TRANK1: variants seen among roughly 807,000 people sequenced by gnomAD.
TRANK1 encodes TPR and ankyrin repeat-containing protein 1.
TRANK1 carries 198 observed loss-of-function variants against 266.0 expected under a neutral mutation model. The observed-to-expected ratio is 0.74, with a 90% CI of 0.66 to 0.84. TRANK1 has a LOEUF of 0.84. Ranked by LOEUF, TRANK1 falls within the 40% of genes least tolerant of loss-of-function variation. The pLI is 0.00. For synonymous variants in TRANK1, 1,396 were observed against 1,384.1 expected (o/e 1.01, Z -0.19); for missense variants, 3,326 against 3,634.6 (o/e 0.92, Z 2.18).
intron 20 of TRANK1, among the ~76,000 whole-genome samples, chr3:36,836,848 A>G (rs2125512965): frequency 6.6e-6 from 1 of 152,326 alleles, no homozygotes; most frequent in East Asian, 1.9e-4. Flanking sequence ...GCTAGACTCT[A>G]ACTGGCCTTT....
At chr3:36,854,060 T>G (rs1395336488) in intron 13 of TRANK1, among the ~76,000 whole-genome samples, 4 of 152,194 alleles carry the variant, frequency 2.6e-5, no homozygotes, top group Admixed American at 6.5e-5. Flanking sequence ...ATTATCAACA[T>G]GCAAAATTCT....
chr3:36,831,664 T>A lies in TRANK1; in HGVS notation c.7919A>T (p.Glu2640Val), dbSNP rs2078696059. Residue 2640 changes from glutamate to valine, a missense_variant, in exon 22 of 24, where the codon GAA becomes GTA. Physicochemically the swap from Glu to Val is moderately radical, Grantham distance 121 (BLOSUM62 -2). Transcript: ENST00000645898. The surrounding 1 kb of genome is among the most constrained non-coding windows in gnomAD (Gnocchi z 5.0). ...ALQDLLFERDEEYLMDCDWRW... is the reference protein window; with the variant it reads ...ALQDLLFERDVEYLMDCDWRW... ...CCAGTCACAGTCCATTAGGTACTCT[T>A]CATCCCGCTCAAAGAGCAGGTCCTG... is the stretch of plus-strand genomic sequence containing the variant. 6.2e-7 allele frequency: 1 copy of A among 1,613,832 alleles called. No homozygotes were observed. The highest frequency in any genetic ancestry group is 1.3e-5 in the African/African-American group (1 of 74,900).
At position 36,892,113 on chromosome 3, in the gene TRANK1, C is replaced by T. The variant is rs942991992; in HGVS notation, c.775+89G>A. The T allele has an allele frequency of 1.9e-5, 27 of 1,422,332 alleles. No individual in the cohort carries two copies. In the South Asian group the frequency reaches 3.5e-4, roughly 18 times the overall value. 88.1% of individuals were successfully genotyped at this position (1,422,332 alleles called of 1,614,324 possible). On this transcript the variant is annotated intron_variant, in intron 7 of 23. Transcript: ENST00000645898. ...ATTCAAATGGTCTGCATTCAAGTGG[C>T]TTAATTCTAGTTTCACTTGAGCTCA...
chr3:36,943,480 AC>A (rs1204257291), intron 1 of TRANK1, among the ~76,000 whole-genome samples: 2 of 34,982 alleles, frequency 5.7e-5, no homozygotes, highest in Non-Finnish European at 1.2e-4. Context: ...ACCTCTACCC[AC>A]CCCCCCACCC....
intron 8 of TRANK1, among the ~76,000 whole-genome samples, chr3:36,876,982 T>C (rs1008938881): frequency 2.0e-5 from 3 of 152,174 alleles, no homozygotes; most frequent in African/African-American, 2.4e-5. Flanking sequence ...AATGAGACCA[T>C]TGTAACAACA....
At chr3:36,879,174 A>G (rs1158833984) in intron 8 of TRANK1, among the ~76,000 whole-genome samples, 2 of 151,986 alleles carry the variant, frequency 1.3e-5, no homozygotes, top group African/African-American at 4.8e-5. Flanking sequence ...AAGAAAGAAA[A>G]CTATTTACAT....
rs373427435 is a variant in TRANK1, at chr3:36,856,656, T to C, written c.3066A>G (p.Thr1022=). ...EYFPPASAVE[T]EYNIMKFHSF... ...TGTGGAACTTCATGATGTTATATTC[T>C]GTCTCCACTGCACTGGCTGGGGGAA... The change falls in exon 13 of 24, where the codon ACA becomes ACG. Residue 1022 remains threonine (T), a synonymous_variant. Transcript: ENST00000645898. 3.8e-5 allele frequency: 61 copies of C among 1,613,964 alleles called. 1 individual carries two copies. The highest frequency in any genetic ancestry group is 3.3e-4 in the South Asian group (30 of 91,094).
chr3:36,832,749 A>G lies in TRANK1; in HGVS notation c.6834T>C (p.His2278=). The change falls in exon 22 of 24, where the codon CAT becomes CAC. Residue 2278 remains histidine (H), a synonymous_variant. Coordinates refer to ENST00000645898, the MANE Select transcript of TRANK1 (RefSeq NM_001329998.2). Reference sequence around the variant, plus strand: ...TGGGGTTTTCTGACAACACTCTCTGATGGAAATGCTTAGGGAAAAGGACAT... The same window carrying G: ...TGGGGTTTTCTGACAACACTCTCTGGTGGAAATGCTTAGGGAAAAGGACAT... ...ILDVLFPKHF[H]QRVLSENPMA... 1 of 1,614,044 alleles carries G rather than the reference A, an allele frequency of 6.2e-7. No individual in the cohort carries two copies. The highest frequency in any genetic ancestry group is 8.5e-7 in the Non-Finnish European group (1 of 1,179,906).
Position 36,855,556 on chromosome 3 carries a change from C to A in TRANK1, c.4166G>T (p.Ser1389Ile). 6.2e-7 allele frequency: 1 copy of A among 1,613,758 alleles called. No individual in the cohort carries two copies. Among genetic ancestry groups the A allele is most frequent in the Non-Finnish European group, 8.5e-7 (1 of 1,179,826 alleles). Residue 1389 changes from serine (S) to isoleucine (I), a missense_variant, in exon 13 of 24, where the codon AGT becomes ATT. By Grantham distance (142) the Ser-to-Ile change is moderately radical. Transcript: ENST00000645898. Reference protein sequence around the residue: ...KRCPNFKEDRSEIYSLFSLYQ... With the variant: ...KRCPNFKEDRIEIYSLFSLYQ... ...CAGACTGAAGAGGCTGTAGATCTCA[C>A]TCCGGTCTTCCTTGAAATTGGGGCA...
chr3:36,925,208 A>T (rs1575324328), intron 1 of TRANK1, among the ~76,000 whole-genome samples: 2 of 152,152 alleles, frequency 1.3e-5, no homozygotes, highest in South Asian at 4.1e-4. Flanking sequence ...GGTTTCCAAC[A>T]TCCTAACCTC....
intron 9 of TRANK1, among the ~76,000 whole-genome samples, chr3:36,873,773 T>C (rs2125574165): frequency 6.6e-6 from 1 of 152,070 alleles, no homozygotes; most frequent in South Asian, 2.1e-4. Context: ...TTGTTGGCCA[T>C]AATTGTTTCT....
In TRANK1 at chr3:36,847,333, C is replaced by T. The variant is rs911726530; in HGVS notation, c.4901G>A (p.Trp1634Ter). 1 of 1,613,404 alleles carries T rather than the reference C, an allele frequency of 6.2e-7. No homozygotes were observed. Among genetic ancestry groups the T allele is most frequent in the Non-Finnish European group, 8.5e-7 (1 of 1,179,696 alleles). The stretch of plus-strand genomic sequence containing the variant: ...AGGTGTGAATGAGGAAATGATCTTC[C>T]ATTCCTTATAAGCCTGAACAACAAC... The part of the protein sequence containing the change: ...FFTDSEAYKE[W>*]KIISSFTPTS... Residue 1634 changes from tryptophan to a stop codon, truncating the protein, a stop_gained, in exon 16 of 24, where the codon TGG becomes TAG. Coordinates refer to ENST00000645898, the MANE Select transcript of TRANK1 (RefSeq NM_001329998.2). LOFTEE classifies it high-confidence loss of function.
chr3:36,855,184 C>T lies in TRANK1; in HGVS notation c.4538G>A (p.Arg1513Lys), dbSNP rs757727047. 13 of 1,610,734 alleles carry T rather than the reference C, an allele frequency of 8.1e-6. No homozygotes were observed. The highest frequency in any genetic ancestry group is 1.3e-5 in the African/African-American group (1 of 74,898). Residue 1513 changes from arginine (R) to lysine (K), a missense_variant, in exon 13 of 24, where the codon AGG (arginine) becomes AAG (lysine). Physicochemically the swap from Arg to Lys is conservative, Grantham distance 26. Transcript: ENST00000645898. ...AGAGCTGGACTTACCTGAGTGGGAC[C>T]TGTAATTCTGGTACAGCTGGTGGAT... is the stretch of plus-strand genomic sequence containing the variant. ...KKIHQLYQNY[R>K]SHSGILNLAS...
chr3:36,904,303 G>A (rs73068054), intron 2 of TRANK1, among the ~76,000 whole-genome samples: 47,484 of 151,550 alleles, frequency 0.31, 8,379 homozygotes, highest in Non-Finnish European at 0.41. Flanking sequence ...GGCCGAGGCC[G>A]AGGCGAGGAG....
At chr3:36,939,223 G>T (rs1339802853) in intron 1 of TRANK1, among the ~76,000 whole-genome samples, 1 of 149,486 alleles carries the variant, frequency 6.7e-6, no homozygotes, top group Non-Finnish European at 1.5e-5. Flanking sequence ...CCCTCATGTA[G>T]AATAAAGCCT....
At chr3:36,900,615 C>G (rs887222377) in intron 3 of TRANK1, among the ~76,000 whole-genome samples, 21 of 151,856 alleles carry the variant, frequency 1.4e-4, no homozygotes, top group African/African-American at 4.6e-4. Context: ...GTGACTCTAG[C>G]CTGTAATTCC....
chr3:36,832,434 T>G lies in TRANK1; in HGVS notation c.7149A>C (p.Ile2383=). 1 of 1,614,014 alleles carries G rather than the reference T, an allele frequency of 6.2e-7. No homozygotes were observed. The highest frequency in any genetic ancestry group is 1.3e-5 in the African/African-American group (1 of 75,036). ...GTGCCAGCATGCCAAATTTCCCTTC[T>G]ATTCCTTTTATCCTGCTGCCTCTCC... ...GRGRGSRIKG[I]EGKFGMLAPN... is the part of the protein sequence containing the mutation. The change falls in exon 22 of 24, where the codon ATA becomes ATC. Residue 2383 remains isoleucine (I), a synonymous_variant. Coordinates refer to ENST00000645898, the MANE Select transcript of TRANK1 (RefSeq NM_001329998.2).
At chr3:36,876,060 G>A (rs894886198) in intron 8 of TRANK1, among the ~76,000 whole-genome samples, 2 of 152,142 alleles carry the variant, frequency 1.3e-5, no homozygotes, top group African/African-American at 4.8e-5. Flanking sequence ...TTCTTTAAGG[G>A]GGGATAAGGA....
At chr3:36,867,939 G>A (rs1055050464) in intron 9 of TRANK1, among the ~76,000 whole-genome samples, 2 of 152,200 alleles carry the variant, frequency 1.3e-5, no homozygotes, top group African/African-American at 4.8e-5. Context: ...TAAGTACTCA[G>A]GTTTCCTCCC....
Sources: allele counts gnomAD v4.1 joint callset (sites outside exome capture counted in the v4.1 genomes callset), GRCh38; gene constraint gnomAD v4.1.1; non-coding constraint Gnocchi (gnomAD v3.1); transcripts MANE v1.5; gene names NCBI Gene and HGNC (gene_info 2026-07-23, HGNC 2026-07-21).